ZDHHC5: variants seen among roughly 807,000 people sequenced by gnomAD.
ZDHHC5 encodes the protein palmitoyltransferase ZDHHC5.
Under a neutral mutation model 70.0 loss-of-function variants are expected in ZDHHC5, and 22 were observed. The observed-to-expected ratio is 0.31, with a 90% CI of 0.22 to 0.45. The LOEUF (loss-of-function observed/expected upper bound fraction) is 0.45, where lower values mean the gene tolerates loss of function less well. Among genes scored for constraint, ZDHHC5 ranks in the 20% least tolerant of loss-of-function variants. ZDHHC5 has a pLI of 1.00. For missense variants in ZDHHC5, 746 were observed against 926.9 expected (o/e 0.80, Z 2.53); for synonymous variants, 313 against 347.8 (o/e 0.90, Z 1.11).
chr11:57,672,948 G>A lies in ZDHHC5; in HGVS notation c.-143G>A. The A allele has an allele frequency of 1.5e-6, 1 of 664,520 alleles. No individual in the cohort carries two copies. Among genetic ancestry groups the A allele is most frequent in the Non-Finnish European group, 2.6e-6 (1 of 389,668 alleles). 41.2% of individuals were successfully genotyped at this position (664,520 alleles called of 1,614,324 possible). A position where few individuals can be genotyped will look rare whatever the true frequency, so the allele number is the denominator to read the frequency against. On this transcript the variant is annotated 5_prime_UTR_variant, in exon 2 of 12. Transcript: ENST00000287169. ...TTGACCTTTGGCTTTATTTGGGAGG[G>A]GGAAGGGTGATAAAGTTTTCTGTTT...
At chr11:57,694,609 C>T (rs1037039285) in intron 8 of ZDHHC5, among the ~76,000 whole-genome samples, 3 of 152,016 alleles carry the variant, frequency 2.0e-5, no homozygotes, top group Non-Finnish European at 4.4e-5. Flanking sequence ...TGATCCAACC[C>T]CCTCAGCCTC....
At chr11:57,668,218 A>G in intron 1 of ZDHHC5, 31 bp downstream of exon 1, 1 of 355,968 alleles carries the variant, frequency 2.8e-6, no homozygotes, top group Non-Finnish European at 5.0e-6. Context: ...TCCCTGCGGA[A>G]CCGGAAGTGC....
intron 2 of ZDHHC5, among the ~76,000 whole-genome samples, chr11:57,682,154 A>G (rs1252169065): frequency 6.6e-6 from 1 of 152,246 alleles, no homozygotes; most frequent in Non-Finnish European, 1.5e-5. Context: ...TCCACAGGGT[A>G]GGAATGAATC....
Position 57,699,115 on chromosome 11 carries a change from G to A in ZDHHC5, c.1679G>A (p.Arg560His), listed in dbSNP as rs772341043. ...LLRQSPPLPG[R>H]EEEPGLGDSG... ...CGCCAGTCACCCCCACTCCCGGGCC[G>A]TGAGGAAGAACCAGGCTTGGGGGAC... is the stretch of plus-strand genomic sequence containing the variant. Residue 560 changes from arginine to histidine, a missense_variant, in exon 11 of 12, where the codon CGT becomes CAT. Transcript: ENST00000287169. The A allele has an allele frequency of 9.3e-6, 15 of 1,613,904 alleles. No individual in the cohort carries two copies. Among genetic ancestry groups the A allele is most frequent in the South Asian group, 8.8e-5 (8 of 91,070 alleles).
chr11:57,690,596 T>TCATGTAAGTGTAGAGGC (rs1374830281), intron 6 of ZDHHC5, among the ~76,000 whole-genome samples, 159 bp downstream of exon 6: 1 of 152,216 alleles, frequency 6.6e-6, no homozygotes, highest in Non-Finnish European at 1.5e-5. Flanking sequence ...TCCTAGTTCC[T>TCATGTAAGTGTAGAGGC]CATGTAAGTG....
intron 2 of ZDHHC5, among the ~76,000 whole-genome samples, chr11:57,675,342 C>G (rs535792731): frequency 2.5e-4 from 38 of 152,292 alleles, no homozygotes; most frequent in African/African-American, 8.7e-4. Context: ...TAATCTGGAA[C>G]CATTGAAGTG....
At chr11:57,697,851 A>T (rs1005646948) in intron 10 of ZDHHC5, among the ~76,000 whole-genome samples, 1 of 149,194 alleles carries the variant, frequency 6.7e-6, no homozygotes, top group Non-Finnish European at 1.5e-5. Flanking sequence ...AAAAAAAAAA[A>T]GGCCAAGCAC....
At chr11:57,694,826 T>C (rs984920247) in intron 8 of ZDHHC5, among the ~76,000 whole-genome samples, 2 of 152,224 alleles carry the variant, frequency 1.3e-5, no homozygotes, top group African/African-American at 4.8e-5. Flanking sequence ...AAACCCTTTC[T>C]TCTGCCAGGT....
At chr11:57,677,920 G>C (rs1946092946) in intron 2 of ZDHHC5, among the ~76,000 whole-genome samples, 1 of 152,234 alleles carries the variant, frequency 6.6e-6, no homozygotes, top group African/African-American at 2.4e-5. Flanking sequence ...TCAGCTGGTT[G>C]AAAGTCTGGG....
In ZDHHC5 at chr11:57,696,144, C is replaced by T. The variant is rs1165742874; in HGVS notation, c.1009+101C>T. 61 of 1,472,814 alleles carry T rather than the reference C, an allele frequency of 4.1e-5. No individual in the cohort carries two copies. In the South Asian group the frequency reaches 5.0e-4, roughly 12 times the overall value. 91.2% of individuals were successfully genotyped at this position (1,472,814 alleles called of 1,614,324 possible). On this transcript the variant is annotated intron_variant, in intron 9 of 11. Transcript: ENST00000287169. ...CAGGCAAGGGCTGGGAGATATTACT[C>T]GTGTTGTGACTTTAAACACCCAACA...
In ZDHHC5 at chr11:57,690,061, AACT is replaced by A; in HGVS notation, c.416_418del (p.Asn139_Cys140delinsSer). 6.2e-7 allele frequency: 1 copy of A among 1,613,994 alleles called. No individual in the cohort carries two copies. The highest frequency in any genetic ancestry group is 2.2e-5 in the East Asian group (1 of 44,868). On this transcript the variant is annotated inframe_deletion, in exon 5 of 12. Coordinates refer to ENST00000287169, the MANE Select transcript of ZDHHC5 (RefSeq NM_015457.3). ...TGATCATCACTGCCCCTGGGTGAAT[AACT>A]GTATTGGTCGCCGGAACTACCGTTA...
rs1205752647 is a variant in ZDHHC5 at position 57,699,041 on chromosome 11, TC to T, written c.1606del (p.Leu536CysfsTer79). On this transcript the variant is annotated frameshift_variant, in exon 11 of 12. Coordinates refer to ENST00000287169, the MANE Select transcript of ZDHHC5 (RefSeq NM_015457.3). LOFTEE classifies it high-confidence loss of function. ...REPSPVRYDN[L>X]SRHIVASLQE... is the part of the protein sequence containing the mutation. ...AGCCCTCACCAGTCCGTTACGACAATCTGTCGCGCCACATTGTGGCCTCTCT... is the reference window on the plus strand; with the variant it reads ...AGCCCTCACCAGTCCGTTACGACAATTGTCGCGCCACATTGTGGCCTCTCT... 2.0e-5 allele frequency: 33 copies of T among 1,611,730 alleles called. No individual in the cohort carries two copies. The highest frequency in any genetic ancestry group is 2.8e-5 in the Non-Finnish European group (33 of 1,179,934).
chr11:57,696,683 G>A, intron 9 of ZDHHC5, 78 bp from the exon 10 acceptor site: 1 of 1,295,634 alleles, frequency 7.7e-7, no homozygotes, highest in Non-Finnish European at 1.1e-6. Context: ...CTCTAGCTTG[G>A]ACAGTAGAGT....
chr11:57,673,723 A>G (rs981978360), intron 2 of ZDHHC5, among the ~76,000 whole-genome samples: 2 of 152,070 alleles, frequency 1.3e-5, no homozygotes, highest in African/African-American at 2.4e-5. Context: ...AGTGCCAACC[A>G]CCACACCTGG....
intron 6 of ZDHHC5, 74 bp downstream of exon 6, chr11:57,690,511 T>A: frequency 6.8e-7 from 1 of 1,467,040 alleles, no homozygotes; most frequent in Non-Finnish European, 9.5e-7. Context: ...GTGTGCAGTG[T>A]AGTGCTTCCA....
At chr11:57,690,666 C>A (rs1946272817) in intron 6 of ZDHHC5, among the ~76,000 whole-genome samples, 2 of 152,038 alleles carry the variant, frequency 1.3e-5, no homozygotes, top group Non-Finnish European at 2.9e-5. Context: ...TACTATGCAG[C>A]CATAAAAAAG....
At chr11:57,676,905 C>T (rs971931232) in intron 2 of ZDHHC5, among the ~76,000 whole-genome samples, 2 of 136,018 alleles carry the variant, frequency 1.5e-5, no homozygotes, top group Admixed American at 7.5e-5. Flanking sequence ...CTCTGCTTCA[C>T]GTGATTTTTT....
At chr11:57,683,410 A>C (rs1946171655) in intron 3 of ZDHHC5, among the ~76,000 whole-genome samples, 1 of 152,196 alleles carries the variant, frequency 6.6e-6, no homozygotes, top group African/African-American at 2.4e-5. Context: ...AGACTCAATA[A>C]TTTTTCATGA....
Position 57,688,600 on chromosome 11 carries a change from G to A in ZDHHC5, c.319G>A (p.Ala107Thr). The change falls in exon 4 of 12, where the codon GCC (alanine) becomes ACC (threonine). Residue 107 changes from alanine to threonine, a missense_variant. By Grantham distance (58) the Ala-to-Thr change is moderately conservative (BLOSUM62 0). This residue lies in a region of ZDHHC5 where 18 missense variants were observed against 66.8 expected (regional missense o/e 0.27). Coordinates refer to ENST00000287169, the MANE Select transcript of ZDHHC5 (RefSeq NM_015457.3). ...CATCCAGGTGCGCATGAAATGGTGT[G>A]CCACCTGCCGCTTTTACCGTCCCCC... is the stretch of plus-strand genomic sequence containing the variant. The part of the protein sequence containing the change: ...KGIQVRMKWC[A>T]TCRFYRPPRC... 1 of 1,610,008 alleles carries A rather than the reference G, an allele frequency of 6.2e-7. No homozygotes were observed. Among genetic ancestry groups the A allele is most frequent in the Non-Finnish European group, 8.5e-7 (1 of 1,178,318 alleles).
Sources: allele counts gnomAD v4.1 joint callset (sites outside exome capture counted in the v4.1 genomes callset), GRCh38; gene constraint gnomAD v4.1.1; regional missense constraint gnomAD v4.1.1; transcripts MANE v1.5; gene names NCBI Gene and HGNC (gene_info 2026-07-23, HGNC 2026-07-21).